Variants in DPP10 observed in about 807,000 individuals in gnomAD.
The protein encoded by DPP10 is inactive dipeptidyl peptidase 10.
In DPP10, 33 loss-of-function variants were observed where a neutral mutation model predicts 120.9. That is an observed-to-expected ratio of 0.27 (90% CI 0.21 to 0.37). The LOEUF is 0.37. Among genes scored for constraint, DPP10 ranks in the 10% least tolerant of loss-of-function variants. DPP10 has a pLI of 1.00. For missense variants in DPP10, 816 were observed against 942.8 expected, an observed-to-expected ratio of 0.87 and a Z score of 1.76; for synonymous variants, 337 against 326.1, an observed-to-expected ratio of 1.03 and a Z score of -0.36.
chr2:114,864,937 C>T (rs1182670672), intron 1 of DPP10, among the ~76,000 whole-genome samples: 1 of 152,032 alleles, frequency 6.6e-6, no homozygotes, highest in Non-Finnish European at 1.5e-5. Flanking sequence ...TAAAAGATCT[C>T]TTTATGAAAA....
At chr2:114,780,604 A>G (rs1682235901) in intron 1 of DPP10, among the ~76,000 whole-genome samples, 1 of 152,080 alleles carries the variant, frequency 6.6e-6, no homozygotes, top group Admixed American at 6.5e-5. Flanking sequence ...CACACTATTA[A>G]ATTACAACTG....
intron 1 of DPP10, among the ~76,000 whole-genome samples, chr2:114,983,519 T>A (rs749534525): frequency 1.3e-5 from 2 of 152,212 alleles, no homozygotes; most frequent in Non-Finnish European, 2.9e-5. Context: ...TTTATGCTGA[T>A]ATAATATAAT....
At chr2:114,856,422 T>C (rs1262026523) in intron 1 of DPP10, among the ~76,000 whole-genome samples, 2 of 152,190 alleles carry the variant, frequency 1.3e-5, no homozygotes, top group African/African-American at 4.8e-5. Context: ...AGACAATATG[T>C]CAATATTTCA....
intron 3 of DPP10, among the ~76,000 whole-genome samples, chr2:115,414,101 T>A (rs1402672772): frequency 1.3e-5 from 2 of 152,306 alleles, no homozygotes; most frequent in South Asian, 2.1e-4. Context: ...CAGGTTTGTC[T>A]AGGGGCTACG....
chr2:115,562,183 C>T (rs1055181899), intron 5 of DPP10, among the ~76,000 whole-genome samples: 1 of 152,124 alleles, frequency 6.6e-6, no homozygotes, highest in Non-Finnish European at 1.5e-5. Flanking sequence ...CTGTACAAAT[C>T]CTTCCCCCTT....
chr2:114,953,882 T>G (rs1284397898), intron 1 of DPP10, among the ~76,000 whole-genome samples: 1 of 152,138 alleles, frequency 6.6e-6, no homozygotes, highest in Non-Finnish European at 1.5e-5. Context: ...TGTTTGAAAT[T>G]TTGAAGCAAC....
intron 5 of DPP10, among the ~76,000 whole-genome samples, chr2:115,622,995 C>T (rs932059291): frequency 1.3e-5 from 2 of 151,872 alleles, no homozygotes; most frequent in African/African-American, 4.8e-5. Context: ...GGCGCCCGCC[C>T]CCACGCCTGA....
chr2:114,492,329 C>CTGT (rs1682077218), intron 1 of DPP10, among the ~76,000 whole-genome samples: 1 of 151,896 alleles, frequency 6.6e-6, no homozygotes, highest in African/African-American at 2.4e-5. Context: ...TTAAAAGCCC[C>CTGT]TAGTGAAGAC....
intron 3 of DPP10, among the ~76,000 whole-genome samples, chr2:115,425,131 A>G (rs1473452357): frequency 2.6e-5 from 4 of 152,208 alleles, no homozygotes; most frequent in African/African-American, 9.6e-5. Flanking sequence ...AGAAACTGCA[A>G]TTGGGTAGAG....
rs116125390 is a variant in DPP10 at position 114,901,203 on chromosome 2, G to A, written c.61-408036G>A. On this transcript the variant is annotated intron_variant, in intron 1 of 25. Transcript: ENST00000410059. ...GTTTTGTTTTTTTGTTTGTTTGTTT[G>A]TTTTTTGTTTTTGATACGGAGCCTG... 8.6e-3 allele frequency among the ~76,000 whole-genome samples: 1,305 copies of A among 152,040 alleles called. 9 individuals are homozygous for A. The highest frequency in any genetic ancestry group is 0.029 in the African/African-American group (1,222 of 41,454).
chr2:115,492,703 G>T (rs1405993499), intron 3 of DPP10, among the ~76,000 whole-genome samples: 1 of 152,110 alleles, frequency 6.6e-6, no homozygotes, highest in South Asian at 2.1e-4. Flanking sequence ...ACAGTAAGAT[G>T]TGTTGGTATA....
intron 1 of DPP10, among the ~76,000 whole-genome samples, chr2:114,758,748 T>C (rs984016709): frequency 3.9e-5 from 6 of 152,216 alleles, no homozygotes; most frequent in African/African-American, 1.4e-4. Context: ...AGCAAAACTT[T>C]GATTAATCAC....
rs577788001 is a variant in DPP10, at chr2:115,816,806, C to T, written c.1950+1077C>T. On this transcript the variant is annotated intron_variant, in intron 21 of 25. Transcript: ENST00000410059. Reference sequence around the variant, plus strand: ...CTAATTTTTGTATTTTTAGTAGAGACGGGGTTTCACCATGTTGGCCAGATG... The same window carrying T: ...CTAATTTTTGTATTTTTAGTAGAGATGGGGTTTCACCATGTTGGCCAGATG... 2.4e-4 allele frequency among the ~76,000 whole-genome samples: 36 copies of T among 149,864 alleles called. 1 individual carries two copies. Among genetic ancestry groups the T allele is most frequent in the South Asian group, 1.3e-3 (6 of 4,768 alleles).
At chr2:114,878,765 A>C (rs1407804271) in intron 1 of DPP10, among the ~76,000 whole-genome samples, 2 of 152,072 alleles carry the variant, frequency 1.3e-5, no homozygotes, top group Admixed American at 1.3e-4. Context: ...AAAGGATTTC[A>C]TTCTTTTTTT....
intron 1 of DPP10, among the ~76,000 whole-genome samples, chr2:115,192,295 G>A (rs1422073469): frequency 6.6e-6 from 1 of 152,188 alleles, no homozygotes; most frequent in African/African-American, 2.4e-5. Flanking sequence ...TACTTTAGAC[G>A]ACCAATTGGA....
chr2:115,071,555 T>C (rs1194500823), intron 1 of DPP10, among the ~76,000 whole-genome samples: 3 of 152,176 alleles, frequency 2.0e-5, no homozygotes, highest in Admixed American at 6.5e-5. Context: ...TTCTGGCATC[T>C]GTCTGGATTC....
intron 1 of DPP10, among the ~76,000 whole-genome samples, chr2:115,035,863 A>G (rs1466866993): frequency 1.3e-5 from 2 of 152,220 alleles, no homozygotes; most frequent in East Asian, 3.9e-4. Flanking sequence ...TTGTATTCGA[A>G]TGTTCCTTTT....
intron 1 of DPP10, among the ~76,000 whole-genome samples, chr2:114,783,728 G>A (rs1040217711): frequency 6.6e-6 from 1 of 151,930 alleles, no homozygotes; most frequent in African/African-American, 2.4e-5. Context: ...CAGCTACTTG[G>A]AGGGCTGAGG....
At chr2:115,277,951 A>C (rs1448096400) in intron 1 of DPP10, among the ~76,000 whole-genome samples, 1 of 152,178 alleles carries the variant, frequency 6.6e-6, no homozygotes, top group Non-Finnish European at 1.5e-5. Context: ...TGCAGCCAGA[A>C]AATGTGGAAA....
Sources: gnomAD v4.1 joint callset for allele counts (sites outside exome capture counted in the v4.1 genomes callset) on GRCh38, gnomAD v4.1.1 for gene constraint, MANE v1.5 for transcripts, NCBI Gene and HGNC (gene_info 2026-07-23, HGNC 2026-07-21) for gene names.